The following KIAA1549L variants were observed in gnomAD, a reference collection of about 807,000 sequenced individuals.
KIAA1549L encodes UPF0606 protein KIAA1549L.
KIAA1549L carries 88 observed loss-of-function variants against 160.7 expected under a neutral mutation model. That is an observed-to-expected ratio of 0.55 (90% CI 0.46 to 0.65). The LOEUF (loss-of-function observed/expected upper bound fraction) is 0.65. Ranked by LOEUF, KIAA1549L falls within the 30% of genes least tolerant of loss-of-function variation. The probability of loss-of-function intolerance (pLI) is 0.00; values close to 1 mark genes in which losing one functional copy is unlikely to be tolerated. For missense variants in KIAA1549L, 2,258 were observed against 2,437.5 expected (o/e 0.93, Z 1.55); for synonymous variants, 950 against 976.7 (o/e 0.97, Z 0.51).
intron 1 of KIAA1549L, among the ~76,000 whole-genome samples, chr11:33,480,369 T>C (rs1054193839): frequency 3.9e-5 from 6 of 152,196 alleles, no homozygotes; most frequent in African/African-American, 1.4e-4. Context: ...AGAACTTCAT[T>C]CCTTTTTATG....
At chr11:33,418,387 G>A (rs1190661893) in intron 1 of KIAA1549L, among the ~76,000 whole-genome samples, 1 of 152,190 alleles carries the variant, frequency 6.6e-6, no homozygotes, top group Non-Finnish European at 1.5e-5. Context: ...CCTGGCATGG[G>A]GTCTGGGCAC....
At chr11:33,409,364 A>C (rs746481016) in intron 1 of KIAA1549L, among the ~76,000 whole-genome samples, 38 of 152,308 alleles carry the variant, frequency 2.5e-4, no homozygotes, top group Middle Eastern at 3.4e-3. Context: ...AAACAATAAC[A>C]GATGACATTT....
chr11:33,533,982 C>T (rs1481190184), intron 1 of KIAA1549L, among the ~76,000 whole-genome samples: 1 of 152,174 alleles, frequency 6.6e-6, no homozygotes, highest in Admixed American at 6.5e-5. Flanking sequence ...GTTGGCTTGT[C>T]CCTGGTTGGG....
chr11:33,636,172 G>T (rs1851431763), intron 16 of KIAA1549L, among the ~76,000 whole-genome samples: 1 of 152,064 alleles, frequency 6.6e-6, no homozygotes, highest in Admixed American at 6.6e-5. Context: ...CTTGTGTTCA[G>T]GTAACCCTTA....
rs139600840 is a variant in KIAA1549L, at chr11:33,549,330, G to C, written c.3501+1451G>C. Among the ~76,000 whole-genome samples, 41 of 152,314 alleles carry C rather than the reference G, an allele frequency of 2.7e-4. No homozygotes were observed. In the East Asian group the frequency reaches 7.9e-3, roughly 29 times the overall value. On this transcript the variant is annotated intron_variant, in intron 4 of 20. Coordinates refer to ENST00000658780, the MANE Select transcript of KIAA1549L (RefSeq NM_012194.3). The stretch of plus-strand genomic sequence containing the variant: ...GGCTAGAGGTTGTTGCTTGCAGAAG[G>C]CTCTAAGGCTGAGCCTGGTATCCCT...
At chr11:33,459,977 A>AAAAAAAAAAAG (rs1851909455) in intron 1 of KIAA1549L, among the ~76,000 whole-genome samples, 1 of 149,088 alleles carries the variant, frequency 6.7e-6, no homozygotes, top group African/African-American at 2.5e-5. Context: ...AAAAAAAAAA[A>AAAAAAAAAAAG]GAAATAGCCT....
At chr11:33,653,836 TTCTC>T (rs879298538) in intron 17 of KIAA1549L, among the ~76,000 whole-genome samples, 84 of 152,094 alleles carry the variant, frequency 5.5e-4, no homozygotes, top group Non-Finnish European at 2.1e-4. Context: ...AGTTTATTAA[TTCTC>T]TATTTGTGAT....
chr11:33,462,307 A>G (rs1488565276), intron 1 of KIAA1549L, among the ~76,000 whole-genome samples: 4 of 152,252 alleles, frequency 2.6e-5, no homozygotes, highest in South Asian at 4.1e-4. Flanking sequence ...CATGGACTAC[A>G]TGAACTTAGC....
chr11:33,507,043 A>G (rs1853108039), intron 1 of KIAA1549L, among the ~76,000 whole-genome samples: 1 of 152,294 alleles, frequency 6.6e-6, no homozygotes, highest in South Asian at 2.1e-4. Flanking sequence ...CACTCAGTCC[A>G]GGGAAAATAC....
intron 1 of KIAA1549L, among the ~76,000 whole-genome samples, chr11:33,508,970 T>TG (rs1218811246): frequency 6.6e-6 from 1 of 152,184 alleles, no homozygotes; most frequent in African/African-American, 2.4e-5. Flanking sequence ...GTCGTCTCTT[T>TG]GGGGGAGTTC....
In KIAA1549L at chr11:33,385,596, C is replaced by A. The variant is rs796690557; in HGVS notation, c.238+8707C>A. Among the ~76,000 whole-genome samples, 14 of 152,230 alleles carry A rather than the reference C, an allele frequency of 9.2e-5. 1 individual carries two copies. Among genetic ancestry groups the A allele is most frequent in the African/African-American group, 3.1e-4 (13 of 41,530 alleles). On this transcript the variant is annotated intron_variant, in intron 1 of 20. Transcript: ENST00000658780. ...TCAGATAGTGTGAGTATTCTTTATT[C>A]TTTTAAAAAATCTTTTTGGCTATTC...
intron 13 of KIAA1549L, 83 bp from the exon 14 acceptor site, chr11:33,606,558 A>T: frequency 7.2e-7 from 1 of 1,382,568 alleles, no homozygotes; most frequent in Non-Finnish European, 1.0e-6. Context: ...TAATGTCCTT[A>T]GGCTGTGAGT....
At chr11:33,644,243 G>A (rs1851660106) in intron 16 of KIAA1549L, among the ~76,000 whole-genome samples, 2 of 152,184 alleles carry the variant, frequency 1.3e-5, no homozygotes, top group Non-Finnish European at 1.5e-5. Flanking sequence ...AAGATGACAA[G>A]AAACGTGTAA....
intron 1 of KIAA1549L, among the ~76,000 whole-genome samples, chr11:33,404,603 A>T (rs113265638): frequency 0.023 from 3,459 of 152,278 alleles, 118 homozygotes; most frequent in African/African-American, 0.079. Flanking sequence ...GAAAAAAATA[A>T]AAAGAAAAAG....
At chr11:33,645,619 GT>G in intron 16 of KIAA1549L, 66 bp from the exon 17 acceptor site, 1 of 1,172,076 alleles carries the variant, frequency 8.5e-7, no homozygotes, top group Non-Finnish European at 1.3e-6. Context: ...ATGTTTTAGA[GT>G]AAATTACAGA....
intron 16 of KIAA1549L, among the ~76,000 whole-genome samples, chr11:33,619,746 A>T (rs959391493): frequency 1.3e-5 from 2 of 152,186 alleles, no homozygotes; most frequent in Admixed American, 1.3e-4. Flanking sequence ...TAGTTTTATA[A>T]ATTATAGATG....
At position 33,466,203 on chromosome 11, in the gene KIAA1549L, A is replaced by C. The variant is rs142475283; in HGVS notation, c.239-75599A>C. On this transcript the variant is annotated intron_variant, in intron 1 of 20. Coordinates refer to ENST00000658780, the MANE Select transcript of KIAA1549L (RefSeq NM_012194.3). ...ACAGGCAACCTACAGAATGGGAGAA[A>C]ATTTTTGCAATCTATCCATCTGACA... Among the ~76,000 whole-genome samples the C allele has an allele frequency of 7.8e-3, 1,187 of 152,280 alleles. 13 individuals carry two copies. The highest frequency in any genetic ancestry group is 0.027 in the African/African-American group (1,130 of 41,544).
At chr11:33,642,015 A>G (rs943427912) in intron 16 of KIAA1549L, among the ~76,000 whole-genome samples, 1 of 152,158 alleles carries the variant, frequency 6.6e-6, no homozygotes, top group African/African-American at 2.4e-5. Flanking sequence ...GCAAAAGGAC[A>G]AACTTATCAC....
intron 1 of KIAA1549L, among the ~76,000 whole-genome samples, chr11:33,483,413 A>G (rs535088326): frequency 1.3e-5 from 2 of 152,248 alleles, no homozygotes; most frequent in East Asian, 3.9e-4. Flanking sequence ...ACATTCACCT[A>G]GAGACCTTAG....
Sources: gnomAD v4.1 joint callset for allele counts (sites outside exome capture counted in the v4.1 genomes callset) on GRCh38, gnomAD v4.1.1 for gene constraint, MANE v1.5 for transcripts, NCBI Gene and HGNC (gene_info 2026-07-23, HGNC 2026-07-21) for gene names.